TRPC5: variants seen among roughly 807,000 people sequenced by gnomAD.
TRPC5 encodes transient receptor potential cation channel subfamily C member 5, also known as short transient receptor potential channel 5.
Under a neutral mutation model 56.5 loss-of-function variants are expected in TRPC5, and 9 were observed. The ratio of observed to expected loss-of-function variants is 0.16; its 90% confidence interval spans 0.10 to 0.28. TRPC5 has a LOEUF of 0.28. Ranked by LOEUF, TRPC5 falls within the 10% of genes least tolerant of loss-of-function variation. The pLI is 1.00. For missense variants in TRPC5, 469 were observed against 748.9 expected, an observed-to-expected ratio of 0.63 and a Z score of 4.36; for synonymous variants, 282 against 278.5, an observed-to-expected ratio of 1.01 and a Z score of -0.13.
chrX:111,958,928 T>C (rs1927304595), intron 1 of TRPC5, among the ~76,000 whole-genome samples: 1 of 112,051 alleles, frequency 8.9e-6, no homozygotes, highest in African/African-American at 3.2e-5. Flanking sequence ...AGAAATAAAA[T>C]ATCTTCAATC....
At chrX:111,831,940 G>C (rs1427359448) in intron 7 of TRPC5, among the ~76,000 whole-genome samples, 1 of 111,796 alleles carries the variant, frequency 8.9e-6, no homozygotes, top group Non-Finnish European at 1.9e-5. Flanking sequence ...AGCTTTGGTT[G>C]ATGGAGCTTG....
chrX:112,081,132 T>C (rs1930954304), intron 1 of TRPC5, among the ~76,000 whole-genome samples: 1 of 111,979 alleles, frequency 8.9e-6, no homozygotes, highest in African/African-American at 3.3e-5. Context: ...CAGGTTGTAA[T>C]AGGGAAAAAG....
At chrX:111,795,034 T>A (rs1352375947) in intron 7 of TRPC5, among the ~76,000 whole-genome samples, 1 of 111,714 alleles carries the variant, frequency 9.0e-6, no homozygotes, top group Admixed American at 9.6e-5. Flanking sequence ...TTCTAGGAAG[T>A]TTTTTTGTAG....
chrX:111,871,457 C>T (rs958569539), intron 3 of TRPC5, among the ~76,000 whole-genome samples: 12 of 111,128 alleles, frequency 1.1e-4, no homozygotes, highest in African/African-American at 3.3e-4. Flanking sequence ...AGCCCCACCA[C>T]TCCCTGGCTG....
intron 1 of TRPC5, among the ~76,000 whole-genome samples, chrX:112,071,158 C>G (rs1298667364): frequency 6.4e-5 from 7 of 109,580 alleles, no homozygotes; most frequent in Admixed American, 3.9e-4. Context: ...AAAAAACCCA[C>G]AATATTAGCC....
intron 1 of TRPC5, among the ~76,000 whole-genome samples, chrX:112,019,461 A>T (rs1929212050): frequency 9.2e-6 from 1 of 108,901 alleles, no homozygotes; most frequent in African/African-American, 3.3e-5. Context: ...TTTGGGATGG[A>T]ATCTCGCTCT....
intron 1 of TRPC5, among the ~76,000 whole-genome samples, chrX:112,048,616 A>G (rs1405660709): frequency 2.7e-5 from 3 of 110,771 alleles, no homozygotes; most frequent in Admixed American, 9.6e-5. Context: ...CAATTAGAAG[A>G]TACAGCCCAA....
At chrX:111,900,397 T>C (rs1925281529) in intron 3 of TRPC5, among the ~76,000 whole-genome samples, 1 of 111,533 alleles carries the variant, frequency 9.0e-6, no homozygotes. Context: ...AAAAAACTGG[T>C]CAAAGGTATA....
At chrX:111,807,425 C>T (rs1410546265) in intron 7 of TRPC5, among the ~76,000 whole-genome samples, 1 of 112,365 alleles carries the variant, frequency 8.9e-6, no homozygotes, top group Non-Finnish European at 1.9e-5. Context: ...TAAATTATTT[C>T]TATCTTTTTA....
At chrX:111,898,141 G>A (rs1355909837) in intron 3 of TRPC5, among the ~76,000 whole-genome samples, 5 of 107,977 alleles carry the variant, frequency 4.6e-5, no homozygotes, top group African/African-American at 1.7e-4. Context: ...TAATAATGTT[G>A]AGGATGTTTT....
At chrX:111,908,522 T>C (rs1322512891) in intron 3 of TRPC5, among the ~76,000 whole-genome samples, 3 of 111,412 alleles carry the variant, frequency 2.7e-5, no homozygotes, top group African/African-American at 9.8e-5. Context: ...TGGAATTATA[T>C]TCTTTATCAC....
At chrX:111,799,270 T>C (rs1921224183) in intron 7 of TRPC5, among the ~76,000 whole-genome samples, 1 of 111,662 alleles carries the variant, frequency 9.0e-6, no homozygotes, top group Non-Finnish European at 1.9e-5. Flanking sequence ...TTGTTTGTAC[T>C]AGAAGGCCTG....
intron 1 of TRPC5, among the ~76,000 whole-genome samples, chrX:111,996,892 C>T (rs1290551361): frequency 9.0e-6 from 1 of 111,230 alleles, no homozygotes; most frequent in African/African-American, 3.3e-5. Flanking sequence ...GCCTATGTGA[C>T]TCTTTGCATG....
At chrX:111,875,062 C>T (rs1426780968) in intron 3 of TRPC5, among the ~76,000 whole-genome samples, 2 of 112,028 alleles carry the variant, frequency 1.8e-5, no homozygotes, top group African/African-American at 6.5e-5. Flanking sequence ...TTTTACTTCT[C>T]TGTGCCTCTG....
Position 112,054,776 on chromosome X carries a change from TC to T in TRPC5, c.-22+27102del, listed in dbSNP as rs770917615. Among the ~76,000 whole-genome samples, 6 of 111,453 alleles carry T rather than the reference TC, an allele frequency of 5.4e-5. No individual in the cohort carries two copies. The South Asian group carries it at 2.3e-3, about 43-fold the overall frequency. On this transcript the variant is annotated intron_variant, in intron 1 of 10. Coordinates refer to ENST00000262839, the MANE Select transcript of TRPC5 (RefSeq NM_012471.3). ...ACTGTCACCTCCTCTTGAGAAGCCC[TC>T]TCTCTCCATCTCCTTGAAAATCCTC...
intron 1 of TRPC5, among the ~76,000 whole-genome samples, chrX:112,063,338 G>A (rs1022465819): frequency 6.3e-5 from 7 of 111,699 alleles, no homozygotes; most frequent in Non-Finnish European, 1.3e-4. Context: ...CGTGGATCCT[G>A]CCCCAAATTA....
Position 111,855,526 on chromosome X carries a change from T to C in TRPC5, c.901-1420A>G, listed in dbSNP as rs755784442. ...GACTGTTACGTCACGGAGAAATTTC[T>C]GTTGTGTTTGAGCCATTATATATTT... On this transcript the variant is annotated intron_variant, in intron 3 of 10. Coordinates refer to ENST00000262839, the MANE Select transcript of TRPC5 (RefSeq NM_012471.3). Among the ~76,000 whole-genome samples, 8 of 111,990 alleles carry C rather than the reference T, an allele frequency of 7.1e-5. No individual in the cohort carries two copies. In the South Asian group the frequency reaches 2.3e-3, roughly 32 times the overall value.
chrX:111,783,040 T>C (rs1428968942), intron 7 of TRPC5, among the ~76,000 whole-genome samples: 4 of 112,208 alleles, frequency 3.6e-5, no homozygotes, highest in Non-Finnish European at 7.5e-5. Context: ...AAATGTCATA[T>C]AAATGGAATC....
rs781153143 is a variant in TRPC5 at position 111,788,846 on chromosome X, T to C, written c.1897-6708A>G. On this transcript the variant is annotated intron_variant, in intron 7 of 10. Coordinates refer to ENST00000262839, the MANE Select transcript of TRPC5 (RefSeq NM_012471.3). ...CAAAGAGAATAAAATACCTAGGAAT[T>C]CAACTTACAAGGGATGTGAAGGACC... Among the ~76,000 whole-genome samples, 284 of 111,261 alleles carry C rather than the reference T, an allele frequency of 2.6e-3. 2 individuals carry two copies. The highest frequency in any genetic ancestry group is 8.8e-3 in the African/African-American group (269 of 30,595).
Sources: allele counts gnomAD v4.1 joint callset (sites outside exome capture counted in the v4.1 genomes callset), GRCh38; gene constraint gnomAD v4.1.1; transcripts MANE v1.5; gene names NCBI Gene and HGNC (gene_info 2026-07-23, HGNC 2026-07-21).